Variants in FANCB observed in about 807,000 individuals in gnomAD.
FANCB encodes the protein Fanconi anemia group B protein.
FANCB carries 5 observed loss-of-function variants against 38.9 expected under a neutral mutation model. That is an observed-to-expected ratio of 0.13 (90% confidence interval 0.07 to 0.27). The LOEUF (loss-of-function observed/expected upper bound fraction) is 0.27, where lower values mean the gene tolerates loss of function less well. Ranked by LOEUF, FANCB falls within the 10% of genes least tolerant of loss-of-function variation. The probability of loss-of-function intolerance (pLI) is 1.00; values close to 1 mark genes in which losing one functional copy is unlikely to be tolerated. For missense variants in FANCB, 573 were observed against 602.7 expected (o/e 0.95, Z 0.52); for synonymous variants, 236 against 215.4 (o/e 1.10, Z -0.84).
At chrX:14,729,528 G>T in the FANCB span, among the ~76,000 whole-genome samples, 1 of 111,621 alleles carries the variant, frequency 9.0e-6, no homozygotes, top group South Asian at 3.8e-4. Flanking sequence ...CAGCTAAAAT[G>T]ACACATTTAA....
At chrX:14,727,245 T>TAA in the FANCB span, among the ~76,000 whole-genome samples, 38 of 111,543 alleles carry the variant, frequency 3.4e-4, no homozygotes, top group East Asian at 0.01. Flanking sequence ...CATGTATTTG[T>TAA]AAAAGTTCCC....
chrX:14,738,808 A>C, the FANCB span, among the ~76,000 whole-genome samples: 1 of 112,065 alleles, frequency 8.9e-6, no homozygotes, highest in Non-Finnish European at 1.9e-5. Context: ...TAAGCTCCTC[A>C]TCTATGCCAC....
chrX:14,828,875 C>A, the FANCB span, among the ~76,000 whole-genome samples: 1 of 111,034 alleles, frequency 9.0e-6, no homozygotes, highest in Non-Finnish European at 1.9e-5. Flanking sequence ...TCTTACCTGC[C>A]TATTTTTATA....
chrX:14,830,587 A>C, the FANCB span, among the ~76,000 whole-genome samples: 1 of 111,713 alleles, frequency 9.0e-6, no homozygotes, highest in Non-Finnish European at 1.9e-5. Flanking sequence ...CTTCATCCTT[A>C]CCTTTGCAAA....
chrX:14,840,965 T>C (rs1285866802), downstream of FANCB, among the ~76,000 whole-genome samples: 2 of 112,051 alleles, frequency 1.8e-5, no homozygotes, highest in East Asian at 2.8e-4. Context: ...GGCAGGATCA[T>C]TGAAATAAGG....
chrX:14,869,469 C>T (rs919416331), intron 1 of FANCB, among the ~76,000 whole-genome samples: 11 of 112,040 alleles, frequency 9.8e-5, no homozygotes, highest in African/African-American at 3.2e-4. Context: ...TATCTTCCAA[C>T]TCTCTGTTCC....
the FANCB span, among the ~76,000 whole-genome samples, chrX:14,794,723 T>C: frequency 8.9e-6 from 1 of 112,181 alleles, no homozygotes; most frequent in Admixed American, 9.5e-5. Context: ...GTCTTGCTGA[T>C]CTTTTCTAAG....
At chrX:14,852,296 G>A (rs1274697322) in intron 6 of FANCB, among the ~76,000 whole-genome samples, 1 of 109,173 alleles carries the variant, frequency 9.2e-6, no homozygotes, top group East Asian at 2.9e-4. Context: ...AACCTCCCAA[G>A]TAGCTGGGAT....
At chrX:14,736,330 G>A in the FANCB span, among the ~76,000 whole-genome samples, 204 of 111,256 alleles carry the variant, frequency 1.8e-3, 1 homozygote, top group Middle Eastern at 0.019. Flanking sequence ...CCAAATGGCC[G>A]CCCAGTTTAG....
chrX:14,861,040 G>A (rs1459607848), intron 3 of FANCB, among the ~76,000 whole-genome samples: 1 of 110,864 alleles, frequency 9.0e-6, no homozygotes, highest in Non-Finnish European at 1.9e-5. Context: ...ATGCCACCAC[G>A]CCCAGCTAAT....
chrX:14,825,985 AAGTTTTC>A, the FANCB span, among the ~76,000 whole-genome samples: 1 of 112,023 alleles, frequency 8.9e-6, no homozygotes, highest in Admixed American at 9.5e-5. Context: ...TGTCCTTCAA[AAGTTTTC>A]AGCTTAGCTC....
In FANCB at chrX:14,861,194, A is replaced by G. The variant is rs1291125642; in HGVS notation, c.952-1860T>C. On this transcript the variant is annotated intron_variant, in intron 3 of 9. Transcript: ENST00000650831. ...CCACTACACCCGGCCAATGACCTCA[A>G]TTTTGAAATGCCTGCCACATAGATT... is the stretch of plus-strand genomic sequence containing the variant. Among the ~76,000 whole-genome samples, 6 of 111,647 alleles carry G rather than the reference A, an allele frequency of 5.4e-5. No homozygotes were observed. The East Asian group carries it at 1.1e-3, about 21-fold the overall frequency.
At chrX:14,746,734 T>C in the FANCB span, among the ~76,000 whole-genome samples, 1 of 112,237 alleles carries the variant, frequency 8.9e-6, no homozygotes, top group Non-Finnish European at 1.9e-5. Context: ...AAGCAAAGTA[T>C]GCAAAATGGT....
chrX:14,857,546 G>A (rs1044155237), intron 5 of FANCB, among the ~76,000 whole-genome samples: 1 of 111,212 alleles, frequency 9.0e-6, no homozygotes, highest in African/African-American at 3.3e-5. Context: ...TATCATATTC[G>A]CTGCTACTCT....
the FANCB span, among the ~76,000 whole-genome samples, chrX:14,811,724 A>G: frequency 9.0e-6 from 1 of 111,529 alleles, no homozygotes; most frequent in African/African-American, 3.3e-5. Flanking sequence ...GGGACACTTT[A>G]AGACTTCACT....
At chrX:14,790,518 G>C in the FANCB span, among the ~76,000 whole-genome samples, 2 of 111,901 alleles carry the variant, frequency 1.8e-5, no homozygotes, top group African/African-American at 3.2e-5. Context: ...TTTTTTATAT[G>C]TCTACTATAA....
intron 1 of FANCB, among the ~76,000 whole-genome samples, chrX:14,870,112 A>T (rs5978693): frequency 0.025 from 2,753 of 111,761 alleles, 83 homozygotes; most frequent in African/African-American, 0.083. Flanking sequence ...CTTTTTTCCC[A>T]GCTTTATTGA....
In FANCB at chrX:14,864,567, C is replaced by G. The variant is rs759722195; in HGVS notation, c.944G>C (p.Ser315Thr). The G allele has an allele frequency of 8.6e-7, 1 of 1,160,063 alleles. No individual in the cohort carries two copies. ...SNNACAVWKE[S>T]FQVAAKWEKL... ...TTACAATAAGTGTTGTACCTGAAAG[C>G]TCTCTTTCCATACAGCACAAGCATT... is the stretch of plus-strand genomic sequence containing the variant. Residue 315 changes from serine to threonine, a missense_variant, in exon 3 of 10, where the codon AGC (serine) becomes ACC (threonine). Coordinates refer to ENST00000650831, the MANE Select transcript of FANCB (RefSeq NM_001018113.3).
the FANCB span, among the ~76,000 whole-genome samples, chrX:14,744,657 C>A: frequency 6.3e-5 from 7 of 111,846 alleles, no homozygotes; most frequent in Admixed American, 6.6e-4. Flanking sequence ...AGTATAATTT[C>A]TAAGAGACCA....
Sources: gnomAD v4.1 joint callset for allele counts (sites outside exome capture counted in the v4.1 genomes callset) on GRCh38, gnomAD v4.1.1 for gene constraint, MANE v1.5 for transcripts, NCBI Gene and HGNC (gene_info 2026-07-23, HGNC 2026-07-21) for gene names.